The following TTN variants were observed in gnomAD, a reference collection of about 807,000 sequenced individuals.
TTN encodes the protein titin.
TTN carries 1,525 observed loss-of-function variants against 3,223.0 expected under a neutral mutation model. The observed-to-expected ratio is 0.47, with a 90% CI of 0.45 to 0.49. The LOEUF (loss-of-function observed/expected upper bound fraction) is 0.49. TTN is among the 20% of genes least tolerant of loss of function. The pLI, the probability that TTN is intolerant of heterozygous loss-of-function variation, is 0.00. For synonymous variants in TTN, 14,094 were observed against 15,161.0 expected (o/e 0.93, Z 5.17); for missense variants, 40,786 against 43,424.0 (o/e 0.94, Z 5.40).
rs61060584 is a variant in TTN, at chr2:178,677,335, C to CATATATATATATATATATATATATATAT, written c.34292-49_34292-48insATATATATATATATATATATATATATAT. 1.0e-3 allele frequency: 251 copies of CATATATATATATATATATATATATATAT among 251,722 alleles called. 8 individuals carry two copies. The highest frequency in any genetic ancestry group is 6.5e-3 in the African/African-American group (146 of 22,602). 15.6% of individuals were successfully genotyped at this position (251,722 alleles called of 1,614,324 possible). On this transcript the variant is annotated intron_variant, in intron 146 of 362. Transcript: ENST00000589042. ...GCATTAAAAACCACATATACATGGT[C>CATATATATATATATATATATATATATAT]ATATATATATATATATATATATATA...
At chr2:178,604,652 T>G in intron 281 of TTN, 56 bp downstream of exon 281, 1 of 1,494,434 alleles carries the variant, frequency 6.7e-7, no homozygotes, top group Non-Finnish European at 9.0e-7. Context: ...TAAAATGGCA[T>G]CAAACCAGAG....
In TTN at chr2:178,568,789, A is replaced by G. The variant is rs1559374458; in HGVS notation, c.77343T>C (p.Asp25781=). ...VVAVNEKGRS[D]PRSLAVPIVA... ...CTATTGGAACTGCAAGGGACCGAGGATCACTTCTCCCCTTTTCATTTACAG... is the reference window on the plus strand; with the variant it reads ...CTATTGGAACTGCAAGGGACCGAGGGTCACTTCTCCCCTTTTCATTTACAG... Residue 25781 remains aspartate, a synonymous_variant, in exon 326 of 363, where the codon GAT becomes GAC. Coordinates refer to ENST00000589042, the MANE Select transcript of TTN (RefSeq NM_001267550.2). 6.2e-7 allele frequency: 1 copy of G among 1,612,996 alleles called. No homozygotes were observed. Among genetic ancestry groups the G allele is most frequent in the Non-Finnish European group, 8.5e-7 (1 of 1,179,364 alleles).
rs1379491321 is a variant in TTN, at chr2:178,536,441, GCTT to G, written c.100303_100305del (p.Lys33435del). The G allele has an allele frequency of 3.1e-6, 5 of 1,612,194 alleles. No homozygotes were observed. Among genetic ancestry groups the G allele is most frequent in the Non-Finnish European group, 4.2e-6 (5 of 1,178,948 alleles). Reference sequence around the variant, plus strand: ...GTTGTCACAGAAATCCATTTATTCTGCTTCTTCTCACGCTTCTCAAGGTAGTAA... The same window carrying G: ...GTTGTCACAGAAATCCATTTATTCTGCTTCTCACGCTTCTCAAGGTAGTAA... On this transcript the variant is annotated inframe_deletion, in exon 357 of 363. Coordinates refer to ENST00000589042, the MANE Select transcript of TTN (RefSeq NM_001267550.2).
rs1395180090 is a variant in TTN, at chr2:178,575,426, A to G, written c.70706T>C (p.Ile23569Thr). ...GTCAGAGCCTTTTCTTTGGGCTTCA[A>G]TCACATAGCCAGTGATCTTGCTGCC... ...DGGSKITGYV[I>T]EAQRKGSDQW... Residue 23569 changes from isoleucine to threonine, a missense_variant, in exon 326 of 363, where the codon ATT (isoleucine) becomes ACT (threonine). Transcript: ENST00000589042. This position sits in a 1 kb window ranked among gnomAD's most constrained non-coding sequence, Gnocchi z 4.0. 2.5e-6 allele frequency: 4 copies of G among 1,613,578 alleles called. No homozygotes were observed. Among genetic ancestry groups the G allele is most frequent in the Non-Finnish European group, 8.5e-7 (1 of 1,179,626 alleles).
In TTN at chr2:178,530,830, TTC is replaced by T; in HGVS notation, c.105783_105784del (p.Lys35262SerfsTer36). ...TTTTGTCTCTGTGGGTGATACGGCT[TTC>T]GGGTGAGAAGGTTCTGGAGATTTCA... On this transcript the variant is annotated frameshift_variant, in exon 358 of 363. Coordinates refer to ENST00000589042, the MANE Select transcript of TTN (RefSeq NM_001267550.2). LOFTEE classifies it high-confidence loss of function. 6.2e-7 allele frequency: 1 copy of T among 1,613,934 alleles called. No homozygotes were observed. The highest frequency in any genetic ancestry group is 8.5e-7 in the Non-Finnish European group (1 of 1,179,864).
In TTN at chr2:178,545,571, G is replaced by A. The variant is rs774814532; in HGVS notation, c.95539C>T (p.Arg31847Cys). ...NEISNYLVDK[R>C]EKKSLRWTRV... ...GTCCAGCGCAGGCTCTTCTTCTCAC[G>A]TTTGTCTACTAGGTAGTTGCTGATT... Residue 31847 changes from arginine to cysteine, a missense_variant, in exon 344 of 363, where the codon CGT (arginine) becomes TGT (cysteine). By Grantham distance (180) the Arg-to-Cys change is radical. Transcript: ENST00000589042. 1.4e-5 allele frequency: 22 copies of A among 1,613,596 alleles called. No individual in the cohort carries two copies. Among genetic ancestry groups the A allele is most frequent in the Middle Eastern group, 3.3e-4 (2 of 6,078 alleles).
intron 249 of TTN, 31 bp from the exon 250 acceptor site, chr2:178,619,918 A>G: frequency 6.2e-7 from 1 of 1,602,242 alleles, no homozygotes; most frequent in Non-Finnish European, 8.5e-7. Flanking sequence ...AAATACAAAT[A>G]TGTTTACATT....
chr2:178,745,254 A>C (rs562073559), intron 47 of TTN: 3 of 1,146,680 alleles, frequency 2.6e-6, no homozygotes, highest in Non-Finnish European at 3.2e-6. Context: ...ATCTGCTAAA[A>C]GAGAGTCCAT....
intron 43 of TTN, among the ~76,000 whole-genome samples, chr2:178,762,385 A>C (rs1299746486): frequency 6.6e-6 from 1 of 152,236 alleles, no homozygotes; most frequent in Non-Finnish European, 1.5e-5. Flanking sequence ...CTTTTTAAAG[A>C]CATTGGTTAT....
rs754291492 is a variant in TTN at position 178,569,043 on chromosome 2, C to T, written c.77089G>A (p.Glu25697Lys). The T allele has an allele frequency of 3.1e-6, 5 of 1,613,282 alleles. No individual in the cohort carries two copies. The highest frequency in any genetic ancestry group is 4.2e-6 in the Non-Finnish European group (5 of 1,179,528). The change falls in exon 326 of 363, where the codon GAA (glutamate) becomes AAA (lysine). Residue 25697 changes from glutamate (E) to lysine (K), a missense_variant. Physicochemically the swap from Glu to Lys is moderately conservative, Grantham distance 56. Transcript: ENST00000589042. Reference sequence around the variant, plus strand: ...ATTTTTCCAGGAGGTTGTGGCACTTCTGCAACCTTAATTGGATCAGCAGTC... The same window carrying T: ...ATTTTTCCAGGAGGTTGTGGCACTTTTGCAACCTTAATTGGATCAGCAGTC... ...AQTADPIKVA[E>K]VPQPPGKITV...
chr2:178,769,204 A>G (rs1007702886), intron 37 of TTN, among the ~76,000 whole-genome samples: 1 of 151,416 alleles, frequency 6.6e-6, no homozygotes, highest in Non-Finnish European at 1.5e-5. Flanking sequence ...AGGTGGAGAT[A>G]CTAGTGCTTT....
intron 149 of TTN, chr2:178,675,352 CTTTTGTCTTTTTTT>C (rs1183385472): frequency 2.7e-6 from 1 of 365,578 alleles, no homozygotes; most frequent in East Asian, 4.2e-5. Context: ...TTTCTTTTTT[CTTTTGTCTTTTTTT>C]TTTTTGTAGG....
At position 178,583,111 on chromosome 2, in the gene TTN, T is replaced by G. The variant is rs775738687; in HGVS notation, c.65692A>C (p.Lys21898Gln). ...GGTTTTAGCAGTGTGCCATCTTTTT[T>G]CCAAGAAACTGTTGGCATCGGTTTA... ...FGKPMPTVSW[K>Q]KDGTLLKPAE... is the part of the protein sequence containing the mutation. Residue 21898 changes from lysine (K) to glutamine (Q), a missense_variant, in exon 313 of 363, where the codon AAA becomes CAA. Coordinates refer to ENST00000589042, the MANE Select transcript of TTN (RefSeq NM_001267550.2). 1.9e-6 allele frequency: 3 copies of G among 1,611,840 alleles called. No individual in the cohort carries two copies. In the Admixed American group the frequency reaches 5.0e-5, roughly 27 times the overall value.
At position 178,607,810 on chromosome 2, in the gene TTN, T is replaced by C. The variant is rs770085424; in HGVS notation, c.52977A>G (p.Gln17659=). The change falls in exon 276 of 363, where the codon CAA becomes CAG. Residue 17659 remains glutamine (Q), a synonymous_variant. Transcript: ENST00000589042. ...AAGEGPPGET[Q]PVTVAEPQEP... The stretch of plus-strand genomic sequence containing the variant: ...CTTGTGGTTCAGCCACAGTAACAGG[T>C]TGTGTTTCTCCAGGCGGTCCTTCCC... The C allele has an allele frequency of 1.9e-6, 3 of 1,612,924 alleles. No homozygotes were observed. Among genetic ancestry groups the C allele is most frequent in the Non-Finnish European group, 1.7e-6 (2 of 1,179,312 alleles).
rs747674743 is a variant in TTN, at chr2:178,664,331, C to A, written c.36280+129G>T. 5.5e-5 allele frequency: 46 copies of A among 829,084 alleles called. 1 individual carries two copies. The highest frequency in any genetic ancestry group is 7.9e-5 in the Non-Finnish European group (41 of 519,126). 51.4% of individuals were successfully genotyped at this position (829,084 alleles called of 1,614,324 possible). The stretch of plus-strand genomic sequence containing the variant: ...GTTTGAAGATATTAATACATTTACA[C>A]TTGAGTTGCAAGAGTCAACACAGAC... On this transcript the variant is annotated intron_variant, in intron 168 of 362. Coordinates refer to ENST00000589042, the MANE Select transcript of TTN (RefSeq NM_001267550.2).
chr2:178,780,396 C>A (rs551781464), intron 21 of TTN, among the ~76,000 whole-genome samples, 191 bp from the exon 22 acceptor site: 1 of 152,316 alleles, frequency 6.6e-6, no homozygotes, highest in East Asian at 1.9e-4. Flanking sequence ...ACAAATCCAA[C>A]CAGCCATTAC....
In TTN at chr2:178,650,739, T is replaced by C; in HGVS notation, c.39709+12A>G. 1 of 1,589,756 alleles carries C rather than the reference T, an allele frequency of 6.3e-7. No individual in the cohort carries two copies. The highest frequency in any genetic ancestry group is 1.2e-5 in the South Asian group (1 of 86,196). ...AAGTGGCAAGGTCATTAATCACCGG[T>C]CTCACGTGTACCTTCTGGGGGAGGA... On this transcript the variant is annotated intron_variant, in intron 209 of 362. Coordinates refer to ENST00000589042, the MANE Select transcript of TTN (RefSeq NM_001267550.2).
At position 178,549,082 on chromosome 2, in the gene TTN, A is replaced by G. The variant is rs2154147885; in HGVS notation, c.92544T>C (p.Asp30848=). Residue 30848 remains aspartate, a synonymous_variant, in exon 339 of 363, where the codon GAT becomes GAC. Transcript: ENST00000589042. ...VSLEWSKPVF[D]GGMEIIGYII... ...TATACCCAATTATTTCCATGCCACC[A>G]TCAAACACTGGTTTGGACCATTCTA... 47 of 1,613,884 alleles carry G rather than the reference A, an allele frequency of 2.9e-5. No homozygotes were observed. Among genetic ancestry groups the G allele is most frequent in the Non-Finnish European group, 3.7e-5 (44 of 1,179,834 alleles).
rs2091251735 is a variant in TTN, at chr2:178,770,090, A to G, written c.8611T>C (p.Leu2871=). Residue 2871 remains leucine, a synonymous_variant, in exon 36 of 363, where the codon TTG becomes CTG. Transcript: ENST00000589042. ...ACAAACAGTTTTGCTTTGCATTCCA[A>G]TTGCCCGACCACAGCTGTGTATTCC... ...AGEYTAVVGQ[L]ECKAKLFVET... is the part of the protein sequence containing the mutation. 1 of 1,613,992 alleles carries G rather than the reference A, an allele frequency of 6.2e-7. No individual in the cohort carries two copies. Among genetic ancestry groups the G allele is most frequent in the Admixed American group, 1.7e-5 (1 of 59,986 alleles).
Sources: allele counts gnomAD v4.1 joint callset (sites outside exome capture counted in the v4.1 genomes callset), GRCh38; gene constraint gnomAD v4.1.1; non-coding constraint Gnocchi (gnomAD v3.1); transcripts MANE v1.5; gene names NCBI Gene and HGNC (gene_info 2026-07-23, HGNC 2026-07-21).